The following GPATCH2 variants were observed in gnomAD, a reference collection of about 807,000 sequenced individuals.
GPATCH2 encodes G-patch domain containing 2, also known as G patch domain-containing protein 2.
A neutral mutation model predicts 58.0 loss-of-function variants in GPATCH2; 51 were observed. The ratio of observed to expected loss-of-function variants is 0.88; its 90% confidence interval spans 0.70 to 1.11. The LOEUF (loss-of-function observed/expected upper bound fraction) is 1.11. GPATCH2 is among the 50% of genes most tolerant of loss of function. GPATCH2 has a pLI of 0.00. For synonymous variants in GPATCH2, 222 were observed against 218.5 expected, an observed-to-expected ratio of 1.02 and a Z score of -0.14; for missense variants, 625 against 652.2, an observed-to-expected ratio of 0.96 and a Z score of 0.45.
intron 9 of GPATCH2, among the ~76,000 whole-genome samples, chr1:217,435,404 G>A (rs1173796090): frequency 2.6e-5 from 4 of 152,052 alleles, no homozygotes; most frequent in African/African-American, 7.3e-5. Context: ...ATCTTGTATC[G>A]GCCTCTCTTA....
chr1:217,600,959 C>T (rs769923316), intron 5 of GPATCH2, among the ~76,000 whole-genome samples: 8 of 151,974 alleles, frequency 5.3e-5, no homozygotes, highest in Non-Finnish European at 8.8e-5. Context: ...ACATATATCT[C>T]GAAAACAAAA....
intron 5 of GPATCH2, among the ~76,000 whole-genome samples, chr1:217,574,101 T>A (rs2102725460): frequency 6.6e-6 from 1 of 152,328 alleles, no homozygotes; most frequent in East Asian, 1.9e-4. Context: ...TAAATAACGA[T>A]TATTCTTAGA....
intron 5 of GPATCH2, among the ~76,000 whole-genome samples, chr1:217,577,873 G>A (rs1374926749): frequency 6.6e-5 from 10 of 151,818 alleles, no homozygotes; most frequent in African/African-American, 1.9e-4. Flanking sequence ...TCAGCCACCC[G>A]AGTAGCTGGG....
At chr1:217,574,313 A>T (rs558095943) in intron 5 of GPATCH2, among the ~76,000 whole-genome samples, 1 of 152,256 alleles carries the variant, frequency 6.6e-6, no homozygotes, top group South Asian at 2.1e-4. Flanking sequence ...CCGAGCCCCA[A>T]AGCTGCCGTG....
At position 217,630,966 on chromosome 1, in the gene GPATCH2, G is replaced by C; in HGVS notation, c.6C>G (p.Phe2Leu). 1 of 1,588,178 alleles carries C rather than the reference G, an allele frequency of 6.3e-7. No individual in the cohort carries two copies. The highest frequency in any genetic ancestry group is 8.5e-7 in the Non-Finnish European group (1 of 1,172,436). The change falls in exon 1 of 10, where the codon TTC becomes TTG. Residue 2 changes from phenylalanine to leucine, a missense_variant. Physicochemically the swap from Phe to Leu is conservative, Grantham distance 22. Transcript: ENST00000366935. M[F>L]GAAGRQPIGA... ...CGATCGGTTGGCGCCCGGCGGCCCC[G>C]AACATTAACGACACCCGGGAGCCTG...
intron 6 of GPATCH2, among the ~76,000 whole-genome samples, chr1:217,500,670 G>A (rs531782754): frequency 1.3e-5 from 2 of 152,090 alleles, no homozygotes; most frequent in East Asian, 1.9e-4. Context: ...CTCTAGTAGT[G>A]AGCATTTTTC....
intron 8 of GPATCH2, among the ~76,000 whole-genome samples, chr1:217,479,926 G>A (rs191015002): frequency 2.8e-4 from 42 of 152,058 alleles, no homozygotes; most frequent in East Asian, 3.9e-4. Flanking sequence ...AGAAGATTAC[G>A]TAATGATAAA....
At chr1:217,590,452 C>G (rs1171751679) in intron 5 of GPATCH2, among the ~76,000 whole-genome samples, 1 of 152,240 alleles carries the variant, frequency 6.6e-6, no homozygotes, top group East Asian at 1.9e-4. Context: ...CCACCTATCT[C>G]TACCACCTTA....
chr1:217,450,150 G>C (rs73103792), intron 8 of GPATCH2, among the ~76,000 whole-genome samples: 2,784 of 152,208 alleles, frequency 0.018, 25 homozygotes, highest in Middle Eastern at 0.048. Context: ...GCTATAGAAA[G>C]ATTCTGTGTT....
At chr1:217,584,035 T>C (rs74142482) in intron 5 of GPATCH2, among the ~76,000 whole-genome samples, 2,396 of 152,010 alleles carry the variant, frequency 0.016, 61 homozygotes, top group African/African-American at 0.054. Flanking sequence ...AGAAAAATGA[T>C]CCTGCAAAGA....
intron 8 of GPATCH2, among the ~76,000 whole-genome samples, chr1:217,487,664 G>T (rs1028888440): frequency 6.6e-6 from 1 of 151,882 alleles, no homozygotes; most frequent in African/African-American, 2.4e-5. Flanking sequence ...GACCTCAGGT[G>T]TCCGCCCACC....
In GPATCH2 at chr1:217,534,262, T is replaced by A. The variant is rs926791840; in HGVS notation, c.1099-19373A>T. 2.6e-4 allele frequency among the ~76,000 whole-genome samples: 39 copies of A among 152,124 alleles called. 1 individual carries two copies. The highest frequency in any genetic ancestry group is 8.9e-4 in the African/African-American group (37 of 41,430). ...AATAAAAAGATTCTTACAGTTCTTA[T>A]AATTAATTGCTCTCTCCTATAAAAT... On this transcript the variant is annotated intron_variant, in intron 5 of 9. Coordinates refer to ENST00000366935, the MANE Select transcript of GPATCH2 (RefSeq NM_018040.5).
intron 8 of GPATCH2, among the ~76,000 whole-genome samples, chr1:217,456,673 T>A (rs2102481151): frequency 6.6e-6 from 1 of 152,300 alleles, no homozygotes; most frequent in Admixed American, 6.5e-5. Context: ...ATGCATGAAT[T>A]TTATCTGATT....
rs529187226 is a variant in GPATCH2, at chr1:217,531,115, G to T, written c.1099-16226C>A. Among the ~76,000 whole-genome samples the T allele has an allele frequency of 5.9e-5, 9 of 151,938 alleles. No homozygotes were observed. In the South Asian group the frequency reaches 6.2e-4, roughly 11 times the overall value. On this transcript the variant is annotated intron_variant, in intron 5 of 9. Transcript: ENST00000366935. ...AAAATAACGATGCAGAACCTTGAAG[G>T]CTTCTCTGATCACACAAAACAGAAG...
At chr1:217,454,990 G>A (rs1191500007) in intron 8 of GPATCH2, among the ~76,000 whole-genome samples, 1 of 152,046 alleles carries the variant, frequency 6.6e-6, no homozygotes, top group Non-Finnish European at 1.5e-5. Context: ...GATCTCTTTG[G>A]ACATTCATAG....
rs182272180 is a variant in GPATCH2, at chr1:217,571,653, G to A, written c.1098+38668C>T. Among the ~76,000 whole-genome samples the A allele has an allele frequency of 2.1e-4, 28 of 134,078 alleles. No homozygotes were observed. The Admixed American group carries it at 2.3e-3, about 11-fold the overall frequency. The allele number at this position is 134,078 out of a possible 152,430, so 88.0% of individuals were successfully genotyped here. Reference sequence around the variant, plus strand: ...GCCTGGCCAACACAGCGAAACCCCCGTCTCTACAAAAAATACAAAAATTCG... The same window carrying A: ...GCCTGGCCAACACAGCGAAACCCCCATCTCTACAAAAAATACAAAAATTCG... On this transcript the variant is annotated intron_variant, in intron 5 of 9. Transcript: ENST00000366935.
chr1:217,500,950 C>G (rs1453746575), intron 6 of GPATCH2, among the ~76,000 whole-genome samples: 1 of 152,014 alleles, frequency 6.6e-6, no homozygotes, highest in African/African-American at 2.4e-5. Flanking sequence ...GCACCTTTAT[C>G]CCGTTTCCCA....
rs528734529 is a variant in GPATCH2, at chr1:217,596,758, G to A, written c.1098+13563C>T. 4.6e-5 allele frequency among the ~76,000 whole-genome samples: 7 copies of A among 152,240 alleles called. No homozygotes were observed. In the South Asian group the frequency reaches 1.5e-3, roughly 32 times the overall value. On this transcript the variant is annotated intron_variant, in intron 5 of 9. Transcript: ENST00000366935. ...AAAAAGCAAGGTTAAAGTCACAGAA[G>A]CTCTATTTGTACAGATGAGTATGGA...
chr1:217,474,482 C>T (rs922458159), intron 8 of GPATCH2, among the ~76,000 whole-genome samples: 5 of 152,152 alleles, frequency 3.3e-5, no homozygotes, highest in Non-Finnish European at 5.9e-5. Flanking sequence ...AAGAAAACCA[C>T]CACAAAAGTG....
Sources: gnomAD v4.1 joint callset for allele counts (sites outside exome capture counted in the v4.1 genomes callset) on GRCh38, gnomAD v4.1.1 for gene constraint, MANE v1.5 for transcripts, NCBI Gene and HGNC (gene_info 2026-07-23, HGNC 2026-07-21) for gene names.